Variants in PLA2G10 observed in about 807,000 individuals in gnomAD.
The protein encoded by PLA2G10 is group 10 secretory phospholipase A2.
Under a neutral mutation model 7.9 loss-of-function variants are expected in PLA2G10, and 9 were observed. That is an observed-to-expected ratio of 1.14 (90% CI 0.68 to 1.98). The LOEUF (loss-of-function observed/expected upper bound fraction) is 1.98. Among genes scored for constraint, PLA2G10 ranks in the 30% most tolerant of loss-of-function variants. The probability of loss-of-function intolerance (pLI) is 0.00; values close to 1 mark genes in which losing one functional copy is unlikely to be tolerated. For synonymous variants in PLA2G10, 19 were observed against 27.5 expected, an observed-to-expected ratio of 0.69 and a Z score of 0.97; for missense variants, 53 against 65.4, an observed-to-expected ratio of 0.81 and a Z score of 0.66.
intron 3 of PLA2G10, chr16:14,678,792 C>A (rs914102353): frequency 1.3e-5 from 5 of 371,754 alleles, no homozygotes; most frequent in Admixed American, 3.1e-5. Flanking sequence ...CAAATCAGGT[C>A]ATGTCCCTCC....
chr16:14,693,359 C>A, intron 1 of PLA2G10, among the ~76,000 whole-genome samples: 1 of 31,132 alleles, frequency 3.2e-5, no homozygotes, highest in Non-Finnish European at 6.9e-5. Flanking sequence ...GTACACGGTG[C>A]ATCTGAATTG....
chr16:14,674,705 AAAAAG>A (rs1387873321), intron 3 of PLA2G10, among the ~76,000 whole-genome samples: 1 of 152,088 alleles, frequency 6.6e-6, no homozygotes, highest in Non-Finnish European at 1.5e-5. Context: ...ATCTAAAAAA[AAAAAG>A]AAAAGAAGAA....
intron 3 of PLA2G10, among the ~76,000 whole-genome samples, chr16:14,685,197 C>T (rs1041186461): frequency 1.3e-5 from 2 of 152,006 alleles, no homozygotes; most frequent in African/African-American, 4.8e-5. Context: ...CATGGTAAAA[C>T]TCCATCTCTG....
intron 3 of PLA2G10, among the ~76,000 whole-genome samples, chr16:14,686,701 T>A (rs933820931): frequency 3.9e-5 from 6 of 152,044 alleles, no homozygotes; most frequent in Admixed American, 2.6e-4. Flanking sequence ...GGTTTCACCA[T>A]TGAGGCTGCT....
chr16:14,681,648 G>C (rs1373718885), intron 3 of PLA2G10, among the ~76,000 whole-genome samples: 1 of 151,698 alleles, frequency 6.6e-6, no homozygotes, highest in African/African-American at 2.4e-5. Context: ...CCCATAAATG[G>C]AAAATGGGCC....
intron 3 of PLA2G10, among the ~76,000 whole-genome samples, chr16:14,675,171 C>CAAAA (rs1166594325): frequency 1.5e-5 from 1 of 66,916 alleles, no homozygotes; most frequent in Non-Finnish European, 3.1e-5. Context: ...AACTCCATCT[C>CAAAA]AAAAAAAAAA....
chr16:14,680,652 G>T (rs187265208), intron 3 of PLA2G10, among the ~76,000 whole-genome samples: 26 of 152,222 alleles, frequency 1.7e-4, no homozygotes, highest in African/African-American at 6.3e-4. Context: ...GGGAGCCATC[G>T]TACTCAGCCC....
intron 3 of PLA2G10, among the ~76,000 whole-genome samples, chr16:14,680,365 G>T (rs565649504): frequency 6.6e-6 from 1 of 152,018 alleles, no homozygotes; most frequent in East Asian, 1.9e-4. Context: ...CTCTCAAAGT[G>T]CTGGGATTAC....
At chr16:14,685,840 A>G (rs1238931150) in intron 3 of PLA2G10, among the ~76,000 whole-genome samples, 4 of 151,266 alleles carry the variant, frequency 2.6e-5, no homozygotes, top group African/African-American at 9.7e-5. Flanking sequence ...AATTAAAAGC[A>G]CCCACCTGTA....
chr16:14,678,467 T>C (rs1960786654), intron 3 of PLA2G10, among the ~76,000 whole-genome samples: 2 of 152,114 alleles, frequency 1.3e-5, no homozygotes, highest in African/African-American at 4.8e-5. Flanking sequence ...CCAGAGTAGT[T>C]TGGTTAAAAT....
chr16:14,687,395 C>A (rs1961115755), intron 3 of PLA2G10, among the ~76,000 whole-genome samples: 1 of 147,078 alleles, frequency 6.8e-6, no homozygotes, highest in Non-Finnish European at 1.5e-5. Context: ...GTGACTCGAT[C>A]ACAGCTCACT....
intron 3 of PLA2G10, among the ~76,000 whole-genome samples, chr16:14,678,202 A>C (rs1182690635): frequency 1.3e-5 from 2 of 152,094 alleles, no homozygotes; most frequent in Non-Finnish European, 2.9e-5. Context: ...CCGGCTGTCC[A>C]AGGACAGAAG....
At chr16:14,687,754 TGGGAGGCCGAGGC>T (rs2151856144) in intron 3 of PLA2G10, among the ~76,000 whole-genome samples, 1 of 151,916 alleles carries the variant, frequency 6.6e-6, no homozygotes, top group African/African-American at 2.4e-5. Flanking sequence ...CTCAGCACTT[TGGGAGGCCGAGGC>T]GGGCAGAGCA....
At chr16:14,674,387 C>G (rs960147493) in intron 3 of PLA2G10, among the ~76,000 whole-genome samples, 5 of 152,012 alleles carry the variant, frequency 3.3e-5, no homozygotes, top group African/African-American at 1.2e-4. Flanking sequence ...AGAAACAATC[C>G]TAAAATTTAC....
chr16:14,673,016 C>CTTTTTTTTTTTTT (rs1293093227), intron 3 of PLA2G10, among the ~76,000 whole-genome samples: 61 of 128,522 alleles, frequency 4.7e-4, no homozygotes, highest in Non-Finnish European at 7.0e-4. Context: ...TTTTTCTTTT[C>CTTTTTTTTTTTTT]TTTTTTTTTT....
rs775520047 is a variant in PLA2G10, at chr16:14,672,729, G to A, written c.376C>T (p.Gln126Ter). 6.2e-7 allele frequency: 1 copy of A among 1,613,922 alleles called. No individual in the cohort carries two copies. The highest frequency in any genetic ancestry group is 1.1e-5 in the South Asian group (1 of 91,060). The change falls in exon 4 of 4, where the codon CAA becomes TAA. Residue 126 changes from glutamine to a stop codon, truncating the protein, a stop_gained. Coordinates refer to ENST00000438167, the MANE Select transcript of PLA2G10 (RefSeq NM_003561.3). LOFTEE classifies it high-confidence loss of function. The stretch of plus-strand genomic sequence containing the variant: ...TGGTCACACTTGCACAACAGTTCTT[G>A]GCATTTGTTCTCTGCCGGTCCTGGA... ...VLCGPAENKC[Q>*]ELLCKCDQEI...
At chr16:14,679,584 C>T (rs534661318) in intron 3 of PLA2G10, among the ~76,000 whole-genome samples, 3 of 150,822 alleles carry the variant, frequency 2.0e-5, no homozygotes, top group East Asian at 1.9e-4. Context: ...CACTTGAACT[C>T]GGGAGACGGA....
chr16:14,674,128 A>G (rs1018499844), intron 3 of PLA2G10, among the ~76,000 whole-genome samples: 1 of 146,074 alleles, frequency 6.8e-6, no homozygotes, highest in African/African-American at 2.5e-5. Context: ...TAATAGCTGG[A>G]AAAAAAAAAA....
chr16:14,693,324 TGTGTG>T (rs1489774593), intron 1 of PLA2G10, among the ~76,000 whole-genome samples: 1 of 34,132 alleles, frequency 2.9e-5, no homozygotes, highest in African/African-American at 1.1e-4. Flanking sequence ...TGTGTGTGTG[TGTGTG>T]TGTGTGTGTG....
Sources: gnomAD v4.1 joint callset for allele counts (sites outside exome capture counted in the v4.1 genomes callset) on GRCh38, gnomAD v4.1.1 for gene constraint, MANE v1.5 for transcripts, NCBI Gene and HGNC (gene_info 2026-07-23, HGNC 2026-07-21) for gene names.